Variants in DOCK4 observed in about 807,000 individuals in gnomAD.
DOCK4 encodes dedicator of cytokinesis protein 4.
In DOCK4, 97 loss-of-function variants were observed where a neutral mutation model predicts 268.1. That is an observed-to-expected ratio of 0.36 (90% CI 0.31 to 0.43). The LOEUF is 0.43. Among genes scored for constraint, DOCK4 ranks in the 20% least tolerant of loss-of-function variants. DOCK4 has a pLI of 1.00. For synonymous variants in DOCK4, 954 were observed against 887.2 expected (o/e 1.08, Z -1.34); for missense variants, 2,145 against 2,455.7 (o/e 0.87, Z 2.67).
Position 111,778,293 on chromosome 7 carries a change from T to C in DOCK4, c.3662A>G (p.Lys1221Arg). Reference sequence around the variant, plus strand: ...AGAATTACCTGTAAAGTTCTGTGCTTTGAGATGCAGATCATAGAGTTTGTG... The same window carrying C: ...AGAATTACCTGTAAAGTTCTGTGCTCTGAGATGCAGATCATAGAGTTTGTG... ...YIHKLYDLHL[K>R]AQNFTEAAYT... is the part of the protein sequence containing the mutation. The change falls in exon 36 of 53, where the codon AAA becomes AGA. Residue 1221 changes from lysine (K) to arginine (R), a missense_variant. This residue lies in a region of DOCK4 where 1,598 missense variants were observed against 1,986.7 expected (regional missense o/e 0.80). Transcript: ENST00000428084. 6.2e-7 allele frequency: 1 copy of C among 1,611,986 alleles called. No homozygotes were observed. The highest frequency in any genetic ancestry group is 8.5e-7 in the Non-Finnish European group (1 of 1,178,266).
chr7:111,818,480 C>T (rs1801729132), intron 27 of DOCK4, among the ~76,000 whole-genome samples: 1 of 152,194 alleles, frequency 6.6e-6, no homozygotes, highest in Admixed American at 6.6e-5. Context: ...TAAGGAACAC[C>T]TTCCGTTACT....
chr7:112,127,055 A>G (rs2116015179), intron 1 of DOCK4, among the ~76,000 whole-genome samples: 1 of 152,004 alleles, frequency 6.6e-6, no homozygotes, highest in Admixed American at 6.6e-5. Flanking sequence ...CCATCCCATT[A>G]CTGGGTATAT....
rs868154610 is a variant in DOCK4 at position 111,739,477 on chromosome 7, G to A, written c.5041C>T (p.Pro1681Ser). ...ESSDEVFNMQ[P>S]SPSTSSLSST... Reference sequence around the variant, plus strand: ...CTCAAGCTTGAGGTAGATGGACTTGGCTGGAAACACACAGGGAGCTATTAT... The same window carrying A: ...CTCAAGCTTGAGGTAGATGGACTTGACTGGAAACACACAGGGAGCTATTAT... The change falls in exon 48 of 53, where the codon CCA becomes TCA. Residue 1681 changes from proline to serine, a missense_variant and splice_region_variant. Pro to Ser is a moderately conservative substitution (Grantham distance 74). This residue lies in a region of DOCK4 where 547 missense variants were observed against 469.0 expected (regional missense o/e 1.17). Coordinates refer to ENST00000428084, the MANE Select transcript of DOCK4 (RefSeq NM_001363540.2). 5.1e-6 allele frequency: 8 copies of A among 1,563,714 alleles called. No individual in the cohort carries two copies. Among genetic ancestry groups the A allele is most frequent in the African/African-American group, 1.4e-5 (1 of 73,544 alleles).
At chr7:112,021,182 G>A (rs1420848325) in intron 1 of DOCK4, among the ~76,000 whole-genome samples, 1 of 152,138 alleles carries the variant, frequency 6.6e-6, no homozygotes, top group Non-Finnish European at 1.5e-5. Context: ...GAATAAAAAA[G>A]AATCAATAAA....
rs60579240 is a variant in DOCK4, at chr7:111,976,159, A to ATAT, written c.701+972_701+973insATA. ...CCATCTCAAAAAAAAAAAAAAAAAAAAAATATATATATATATATACACACA... is the reference window on the plus strand; with the variant it reads ...CCATCTCAAAAAAAAAAAAAAAAAAATATAAATATATATATATATATACACACA... On this transcript the variant is annotated intron_variant, in intron 8 of 52. Transcript: ENST00000428084. Among the ~76,000 whole-genome samples the ATAT allele has an allele frequency of 6.4e-4, 45 of 70,156 alleles. 2 individuals are homozygous for ATAT. Among genetic ancestry groups the ATAT allele is most frequent in the African/African-American group, 1.7e-3 (20 of 11,556 alleles). The allele number at this position is 70,156 out of a possible 152,430, so 46.0% of individuals were successfully genotyped here. A position where few individuals can be genotyped will look rare whatever the true frequency, so the allele number is the denominator to read the frequency against.
At chr7:111,823,001 A>T (rs1802108933) in intron 26 of DOCK4, among the ~76,000 whole-genome samples, 1 of 152,180 alleles carries the variant, frequency 6.6e-6, no homozygotes, top group Non-Finnish European at 1.5e-5. Context: ...AATTTTCCAG[A>T]GTGTGCTGTG....
chr7:112,102,836 C>A (rs991829291), intron 1 of DOCK4, among the ~76,000 whole-genome samples: 3 of 148,646 alleles, frequency 2.0e-5, no homozygotes, highest in Admixed American at 6.7e-5. Flanking sequence ...TAAGAAATAA[C>A]TGAGTTAATA....
chr7:111,840,846 A>ACTC, intron 25 of DOCK4: 1 of 1,351,218 alleles, frequency 7.4e-7, no homozygotes, highest in Non-Finnish European at 9.8e-7. Flanking sequence ...CCATGTGAAG[A>ACTC]CTCCCTATTC....
At chr7:111,824,117 G>A (rs1293095396) in intron 26 of DOCK4, among the ~76,000 whole-genome samples, 1 of 152,112 alleles carries the variant, frequency 6.6e-6, no homozygotes, top group Non-Finnish European at 1.5e-5. Context: ...ATCACTGGAA[G>A]CAGAGTTTGC....
At chr7:111,946,419 AG>A (rs529886107) in intron 8 of DOCK4, among the ~76,000 whole-genome samples, 106 of 152,288 alleles carry the variant, frequency 7.0e-4, no homozygotes, top group Middle Eastern at 3.4e-3. Flanking sequence ...GCACATAAGG[AG>A]GCGAGGCTAG....
intron 10 of DOCK4, among the ~76,000 whole-genome samples, chr7:111,943,667 A>G (rs1795378290): frequency 6.6e-6 from 1 of 152,126 alleles, no homozygotes; most frequent in African/African-American, 2.4e-5. Flanking sequence ...ATTCTTTCCA[A>G]TTTTTTTCAT....
chr7:111,977,134 G>A lies in DOCK4; in HGVS notation c.699C>T (p.Ile233=). The A allele has an allele frequency of 6.2e-7, 1 of 1,613,204 alleles. No homozygotes were observed. Among genetic ancestry groups the A allele is most frequent in the East Asian group, 2.2e-5 (1 of 44,860 alleles). The change falls in exon 8 of 53, where the codon ATC becomes ATT. Residue 233 remains isoleucine, a splice_region_variant and synonymous_variant. Coordinates refer to ENST00000428084, the MANE Select transcript of DOCK4 (RefSeq NM_001363540.2). ...SLFDSKENRP[I]SERFFLRLNR... Reference sequence around the variant, plus strand: ...ACCCTATCTCCACGTGCAGGTACCTGATTGGCCGGTTCTCTTTACTGTCAA... The same window carrying A: ...ACCCTATCTCCACGTGCAGGTACCTAATTGGCCGGTTCTCTTTACTGTCAA...
intron 30 of DOCK4, among the ~76,000 whole-genome samples, chr7:111,802,259 A>C (rs1800356045): frequency 6.6e-6 from 1 of 152,102 alleles, no homozygotes; most frequent in Admixed American, 6.5e-5. Flanking sequence ...GGGGAAAGAC[A>C]AAAGGGGGAA....
intron 8 of DOCK4, chr7:111,971,921 A>G: frequency 5.8e-6 from 1 of 171,140 alleles, no homozygotes; most frequent in Non-Finnish European, 1.3e-5. Flanking sequence ...CTCAAACGGG[A>G]TTTATCACTT....
Position 111,765,119 on chromosome 7 carries a change from C to G in DOCK4, c.4019G>C (p.Arg1340Thr), listed in dbSNP as rs1294001912. Residue 1340 changes from arginine (R) to threonine (T), a missense_variant and splice_region_variant, in exon 39 of 53, where the codon AGA (arginine) becomes ACA (threonine). Coordinates refer to ENST00000428084, the MANE Select transcript of DOCK4 (RefSeq NM_001363540.2). ...FYGKKFPFFL[R>T]NKEFVCRGHD... Reference sequence around the variant, plus strand: ...CAAATTAAATAGTATATTACTTACTCTTAAGAAAAATGGAAATTTTTTTCC... The same window carrying G: ...CAAATTAAATAGTATATTACTTACTGTTAAGAAAAATGGAAATTTTTTTCC... 1.3e-6 allele frequency: 2 copies of G among 1,495,118 alleles called. No homozygotes were observed. The highest frequency in any genetic ancestry group is 1.3e-5 in the South Asian group (1 of 76,226). The allele number at this position is 1,495,118 out of a possible 1,614,324, so 92.6% of individuals were successfully genotyped here. A position where few individuals can be genotyped will look rare whatever the true frequency, so the allele number is the denominator to read the frequency against.
chr7:111,932,884 G>C (rs1794314486), intron 12 of DOCK4, among the ~76,000 whole-genome samples: 1 of 151,916 alleles, frequency 6.6e-6, no homozygotes, highest in Non-Finnish European at 1.5e-5. Context: ...ATGACAAAAT[G>C]ATGGTCACTG....
At chr7:112,040,550 G>C (rs759833093) in intron 1 of DOCK4, among the ~76,000 whole-genome samples, 6 of 152,262 alleles carry the variant, frequency 3.9e-5, no homozygotes, top group East Asian at 1.9e-4. Flanking sequence ...CAGATGCTGA[G>C]GTATGGTGAA....
At chr7:111,948,229 T>C (rs1795777053) in intron 8 of DOCK4, among the ~76,000 whole-genome samples, 1 of 152,144 alleles carries the variant, frequency 6.6e-6, no homozygotes, top group Non-Finnish European at 1.5e-5. Context: ...AATGACCATT[T>C]TACATATGGG....
In DOCK4 at chr7:111,994,193, A is replaced by G. The variant is rs780860449; in HGVS notation, c.257T>C (p.Ile86Thr). Reference sequence around the variant, plus strand: ...TCTTAATGTTGATGTCATTTCTGTGATAACAGAGTCTTCAGTGGGAATAAC... The same window carrying G: ...TCTTAATGTTGATGTCATTTCTGTGGTAACAGAGTCTTCAGTGGGAATAAC... Reference protein sequence around the residue: ...EMVIPTEDSVITEMTSTLRDW... With the variant: ...EMVIPTEDSVTTEMTSTLRDW... The change falls in exon 5 of 53, where the codon ATC (isoleucine) becomes ACC (threonine). Residue 86 changes from isoleucine to threonine, a missense_variant. This residue lies in a region of DOCK4 where 1,598 missense variants were observed against 1,986.7 expected (regional missense o/e 0.80). Coordinates refer to ENST00000428084, the MANE Select transcript of DOCK4 (RefSeq NM_001363540.2). The G allele has an allele frequency of 6.2e-7, 1 of 1,607,212 alleles. No individual in the cohort carries two copies. Among genetic ancestry groups the G allele is most frequent in the Non-Finnish European group, 8.5e-7 (1 of 1,175,522 alleles).
Sources: gnomAD v4.1 joint callset for allele counts (sites outside exome capture counted in the v4.1 genomes callset) on GRCh38, gnomAD v4.1.1 for gene constraint, gnomAD v4.1.1 regional missense constraint, MANE v1.5 for transcripts, NCBI Gene and HGNC (gene_info 2026-07-23, HGNC 2026-07-21) for gene names.